The following RANBP3 variants were observed in gnomAD, a reference collection of about 807,000 sequenced individuals.
The protein encoded by RANBP3 is ran-binding protein 3.
In RANBP3, 14 loss-of-function variants were observed where a neutral mutation model predicts 77.3. That is an observed-to-expected ratio of 0.18 (90% CI 0.12 to 0.28). The LOEUF is 0.28. Among genes scored for constraint, RANBP3 ranks in the 10% least tolerant of loss-of-function variants. The pLI is 1.00. For missense variants in RANBP3, 586 were observed against 752.3 expected (o/e 0.78, Z 2.59); for synonymous variants, 315 against 312.4 (o/e 1.01, Z -0.09).
intron 2 of RANBP3, among the ~76,000 whole-genome samples, chr19:5,953,344 G>A (rs1384923271): frequency 6.6e-6 from 1 of 152,164 alleles, no homozygotes; most frequent in African/African-American, 2.4e-5. Context: ...GACATCAAGA[G>A]TTTGCCAGCC....
Position 5,924,487 on chromosome 19 carries a change from C to T in RANBP3, c.996+340G>A, listed in dbSNP as rs976743408. 6.6e-6 allele frequency among the ~76,000 whole-genome samples: 1 copy of T among 152,404 alleles called. No individual in the cohort carries two copies. Among genetic ancestry groups the T allele is most frequent in the South Asian group, 2.1e-4 (1 of 4,832 alleles). On this transcript the variant is annotated intron_variant, in intron 11 of 16. Coordinates refer to ENST00000340578, the MANE Select transcript of RANBP3 (RefSeq NM_007322.3). The surrounding 1 kb of genome is among the most constrained non-coding windows in gnomAD (Gnocchi z 4.7). ...CCCTGTCCACCAGCACGGCTGGCTC[C>T]GTCCCACAGGACTTTTGTCAGTTGG...
chr19:5,972,104 TGCC>T (rs2058537496), intron 1 of RANBP3, among the ~76,000 whole-genome samples: 3 of 152,274 alleles, frequency 2.0e-5, no homozygotes, highest in African/African-American at 7.2e-5. Context: ...TATGTCTGCT[TGCC>T]CTTCAGGCAA....
rs1428845500 is a variant in RANBP3 at position 5,952,437 on chromosome 19, G to A, written c.79-841C>T. On this transcript the variant is annotated intron_variant, in intron 2 of 16. Coordinates refer to ENST00000340578, the MANE Select transcript of RANBP3 (RefSeq NM_007322.3). The surrounding 1 kb of genome is among the most constrained non-coding windows in gnomAD (Gnocchi z 4.1). Reference sequence around the variant, plus strand: ...CTTTAAGGTGGTTCCTGGGACTCCAGCAGGGCTTCCATGGGCTGAGAGCTC... The same window carrying A: ...CTTTAAGGTGGTTCCTGGGACTCCAACAGGGCTTCCATGGGCTGAGAGCTC... Among the ~76,000 whole-genome samples the A allele has an allele frequency of 2.0e-5, 3 of 152,182 alleles. No homozygotes were observed. Among genetic ancestry groups the A allele is most frequent in the Non-Finnish European group, 1.5e-5 (1 of 68,026 alleles).
At position 5,959,562 on chromosome 19, in the gene RANBP3, G is replaced by C. The variant is rs2058375487; in HGVS notation, c.23-1589C>G. 6.6e-6 allele frequency among the ~76,000 whole-genome samples: 1 copy of C among 152,138 alleles called. No homozygotes were observed. Among genetic ancestry groups the C allele is most frequent in the Non-Finnish European group, 1.5e-5 (1 of 68,010 alleles). On this transcript the variant is annotated intron_variant, in intron 1 of 16. Transcript: ENST00000340578. The surrounding 1 kb of genome is among the most constrained non-coding windows in gnomAD (Gnocchi z 5.1). ...GACCCAGGGGCTACAAGGGAGCAGG[G>C]GAGGTCAGAGGGGTCTCCAACCAGA... is the stretch of plus-strand genomic sequence containing the variant.
intron 2 of RANBP3, among the ~76,000 whole-genome samples, chr19:5,953,381 G>A (rs1031984408): frequency 1.1e-4 from 17 of 152,142 alleles, no homozygotes; most frequent in African/African-American, 4.1e-4. Flanking sequence ...AATACACATG[G>A]CTGGCAAAAA....
At chr19:5,954,534 A>G (rs1470545474) in intron 2 of RANBP3, among the ~76,000 whole-genome samples, 7 of 152,282 alleles carry the variant, frequency 4.6e-5, no homozygotes, top group Admixed American at 1.3e-4. Flanking sequence ...AGCAATGCTA[A>G]CAGAGAGGGC....
rs149974650 is a variant in RANBP3 at position 5,958,737 on chromosome 19, G to A, written c.23-764C>T. On this transcript the variant is annotated intron_variant, in intron 1 of 16. Coordinates refer to ENST00000340578, the MANE Select transcript of RANBP3 (RefSeq NM_007322.3). The surrounding 1 kb of genome is among the most constrained non-coding windows in gnomAD (Gnocchi z 4.4). Reference sequence around the variant, plus strand: ...CAGATGAGGACTGCCTCGACCCCACGAGGAGGCGCAGACCACACCTGCCTC... The same window carrying A: ...CAGATGAGGACTGCCTCGACCCCACAAGGAGGCGCAGACCACACCTGCCTC... 1.3e-5 allele frequency among the ~76,000 whole-genome samples: 2 copies of A among 152,378 alleles called. No homozygotes were observed. The highest frequency in any genetic ancestry group is 4.1e-4 in the South Asian group (2 of 4,834).
At chr19:5,940,176 G>C (rs1455056676) in intron 5 of RANBP3, among the ~76,000 whole-genome samples, 1 of 152,196 alleles carries the variant, frequency 6.6e-6, no homozygotes, top group Non-Finnish European at 1.5e-5. Flanking sequence ...TGCGCTGGAC[G>C]GGAGGTGATT....
chr19:5,923,840 G>A lies in RANBP3; in HGVS notation c.1071C>T (p.Ser357=), dbSNP rs762874766. Residue 357 remains serine, a synonymous_variant, in exon 12 of 17, where the codon TCC becomes TCT. Transcript: ENST00000340578. ...TCTCAGGGGTGGCCTCCTGGGACGA[G>A]GACTCAGACCCTGACTCGGCAGCTG... ...ENAAAESGSE[S]SSQEATPEKE... 31 of 1,613,980 alleles carry A rather than the reference G, an allele frequency of 1.9e-5. No individual in the cohort carries two copies. The highest frequency in any genetic ancestry group is 1.3e-4 in the South Asian group (12 of 91,072).
chr19:5,966,503 A>C (rs2058469401), intron 1 of RANBP3, among the ~76,000 whole-genome samples: 1 of 152,240 alleles, frequency 6.6e-6, no homozygotes, highest in Non-Finnish European at 1.5e-5. Context: ...TAAGCTGACA[A>C]CACACACACT....
chr19:5,931,227 G>C (rs1329190054), intron 8 of RANBP3, among the ~76,000 whole-genome samples, 177 bp downstream of exon 8: 4 of 152,210 alleles, frequency 2.6e-5, no homozygotes, highest in African/African-American at 9.6e-5. Context: ...GATCTGGTTT[G>C]TCAGGTACTG....
rs1196959459 is a variant in RANBP3 at position 5,921,902 on chromosome 19, C to T, written c.1210-581G>A. On this transcript the variant is annotated intron_variant, in intron 13 of 16. Coordinates refer to ENST00000340578, the MANE Select transcript of RANBP3 (RefSeq NM_007322.3). This position sits in a 1 kb window ranked among gnomAD's most constrained non-coding sequence, Gnocchi z 5.3. ...AAGAACAAGGCTCCGACCCCCGCTG[C>T]AACGTGGATGAACCTCTGGCTCAGC... is the stretch of plus-strand genomic sequence containing the variant. Among the ~76,000 whole-genome samples the T allele has an allele frequency of 6.6e-6, 1 of 152,224 alleles. No homozygotes were observed. The highest frequency in any genetic ancestry group is 1.9e-4 in the East Asian group (1 of 5,202).
chr19:5,941,899 C>A (rs369490543), intron 3 of RANBP3, 64 bp from the exon 4 acceptor site: 3 of 1,584,822 alleles, frequency 1.9e-6, no homozygotes, highest in Non-Finnish European at 2.6e-6. Context: ...GAGCAACTCT[C>A]GGGGCCGTAA....
intron 14 of RANBP3, among the ~76,000 whole-genome samples, chr19:5,920,277 T>C (rs2057801038): frequency 6.6e-6 from 1 of 152,070 alleles, no homozygotes; most frequent in African/African-American, 2.4e-5. Context: ...GGTGCATCTG[T>C]AGTCCCAGCT....
At position 5,925,753 on chromosome 19, in the gene RANBP3, A is replaced by G; in HGVS notation, c.814-16T>C. Reference sequence around the variant, plus strand: ...CATTTATCAGCTGGGAATGAGACGGAGCGCTCAGTAATCGGGGGTGGGGGG... The same window carrying G: ...CATTTATCAGCTGGGAATGAGACGGGGCGCTCAGTAATCGGGGGTGGGGGG... On this transcript the variant is annotated splice_polypyrimidine_tract_variant and intron_variant, in intron 9 of 16. Coordinates refer to ENST00000340578, the MANE Select transcript of RANBP3 (RefSeq NM_007322.3). The G allele has an allele frequency of 6.2e-7, 1 of 1,601,956 alleles. No individual in the cohort carries two copies. The highest frequency in any genetic ancestry group is 8.5e-7 in the Non-Finnish European group (1 of 1,169,962).
intron 1 of RANBP3, among the ~76,000 whole-genome samples, chr19:5,962,356 C>T (rs1391060864): frequency 6.6e-6 from 1 of 152,164 alleles, no homozygotes; most frequent in Non-Finnish European, 1.5e-5. Flanking sequence ...GGAGCCCTGG[C>T]ACTCCCAGAG....
Position 5,937,056 on chromosome 19 carries a change from C to CAAAAAAAAAAAAAAAAAAAAAAAAAA in RANBP3, c.407-3603_407-3578dup, listed in dbSNP as rs71172783. On this transcript the variant is annotated intron_variant, in intron 5 of 16. Transcript: ENST00000340578. ...GGGCAACAGAGCAAGACTCTGTCTC[C>CAAAAAAAAAAAAAAAAAAAAAAAAAA]AAAAAAAAAAAAAAAAAAAAAAAAA... Among the ~76,000 whole-genome samples the CAAAAAAAAAAAAAAAAAAAAAAAAAA allele has an allele frequency of 7.0e-4, 26 of 37,176 alleles. 1 individual carries two copies. Among genetic ancestry groups the CAAAAAAAAAAAAAAAAAAAAAAAAAA allele is most frequent in the African/African-American group, 1.3e-3 (14 of 11,086 alleles). 24.4% of individuals were successfully genotyped at this position (37,176 alleles called of 152,430 possible). A position where few individuals can be genotyped will look rare whatever the true frequency, so the allele number is the denominator to read the frequency against.
rs1005675472 is a variant in RANBP3 at position 5,952,616 on chromosome 19, G to A, written c.79-1020C>T. 2.6e-5 allele frequency among the ~76,000 whole-genome samples: 4 copies of A among 152,206 alleles called. No individual in the cohort carries two copies. The highest frequency in any genetic ancestry group is 5.9e-5 in the Non-Finnish European group (4 of 68,046). On this transcript the variant is annotated intron_variant, in intron 2 of 16. Transcript: ENST00000340578. The surrounding 1 kb of genome is among the most constrained non-coding windows in gnomAD (Gnocchi z 4.1). ...ACCTACATGACTACAGGGCTGCCCC[G>A]TCTCCCCGTGGACGTGGCTGTGCTT...
rs2057989946 is a variant in RANBP3, at chr19:5,931,479, T to A, written c.618A>T (p.Ala206=). ...GVSLPADCTG[A]VPAASPDTAA... is the part of the protein sequence containing the mutation. ...CAGTGTCAGGGGATGCTGCGGGCAC[T>A]GCCCCCGTGCAGTCTGCTGGGAGGC... The change falls in exon 8 of 17, where the codon GCA becomes GCT. Residue 206 remains alanine (A), a synonymous_variant. Coordinates refer to ENST00000340578, the MANE Select transcript of RANBP3 (RefSeq NM_007322.3). The A allele has an allele frequency of 6.2e-7, 1 of 1,612,682 alleles. No homozygotes were observed. The highest frequency in any genetic ancestry group is 1.3e-5 in the African/African-American group (1 of 74,914).
Sources: gnomAD v4.1 joint callset for allele counts (sites outside exome capture counted in the v4.1 genomes callset) on GRCh38, gnomAD v4.1.1 for gene constraint, Gnocchi (gnomAD v3.1) non-coding constraint, MANE v1.5 for transcripts, NCBI Gene and HGNC (gene_info 2026-07-23, HGNC 2026-07-21) for gene names.